The following TGM7 variants were observed in gnomAD, a reference collection of about 807,000 sequenced individuals.
TGM7 encodes transglutaminase 7.
In TGM7, 74 loss-of-function variants were observed where a neutral mutation model predicts 79.5. That is an observed-to-expected ratio of 0.93 (90% CI 0.77 to 1.13). The LOEUF is 1.13. Ranked by LOEUF, TGM7 falls within the 50% of genes most tolerant of loss-of-function variation. The pLI, the probability that TGM7 is intolerant of heterozygous loss-of-function variation, is 0.00. For missense variants in TGM7, 912 were observed against 905.9 expected (o/e 1.01, Z -0.09); for synonymous variants, 354 against 362.5 (o/e 0.98, Z 0.27).
chr15:43,295,420 GCA>G, intron 1 of TGM7, among the ~76,000 whole-genome samples: 3 of 152,130 alleles, frequency 2.0e-5, no homozygotes, highest in Admixed American at 6.5e-5. Context: ...GTGAAACCCT[GCA>G]TCTACTAAAA....
intron 4 of TGM7, 43 bp downstream of exon 4, chr15:43,291,936 C>T: frequency 6.8e-7 from 1 of 1,475,316 alleles, no homozygotes; most frequent in Non-Finnish European, 9.5e-7. Flanking sequence ...AAGGACCAGC[C>T]TTAGGGAGCC....
chr15:43,281,010 T>C (rs1596459790), intron 9 of TGM7, among the ~76,000 whole-genome samples: 1 of 152,194 alleles, frequency 6.6e-6, no homozygotes, highest in Non-Finnish European at 1.5e-5. Flanking sequence ...AGATTGTTAC[T>C]GACAGGCTTC....
chr15:43,280,684 T>C (rs1161380163), intron 9 of TGM7, among the ~76,000 whole-genome samples: 3 of 152,180 alleles, frequency 2.0e-5, no homozygotes, highest in Non-Finnish European at 4.4e-5. Flanking sequence ...GGAGGCTTAA[T>C]GTGGCTGGCT....
chr15:43,294,444 G>A (rs2042982574), intron 1 of TGM7, among the ~76,000 whole-genome samples: 1 of 152,224 alleles, frequency 6.6e-6, no homozygotes, highest in Non-Finnish European at 1.5e-5. Context: ...AGACATCAGT[G>A]TCCTCATCTG....
At chr15:43,299,612 C>A (rs532653483) in intron 1 of TGM7, among the ~76,000 whole-genome samples, 3 of 152,254 alleles carry the variant, frequency 2.0e-5, no homozygotes, top group African/African-American at 7.2e-5. Flanking sequence ...CAAATTCTAT[C>A]CAGTGCAGCT....
intron 6 of TGM7, among the ~76,000 whole-genome samples, chr15:43,286,787 T>G (rs2042937670): frequency 6.6e-6 from 1 of 152,336 alleles, no homozygotes; most frequent in South Asian, 2.1e-4. Context: ...TAATTGATAC[T>G]GCATAAAACA....
chr15:43,293,385 G>T, intron 2 of TGM7, 64 bp downstream of exon 2: 1 of 1,514,214 alleles, frequency 6.6e-7, no homozygotes, highest in Non-Finnish European at 8.9e-7. Context: ...GGCCCCGCAG[G>T]CAGACTCTGT....
intron 4 of TGM7, among the ~76,000 whole-genome samples, chr15:43,290,417 G>C (rs1270595753): frequency 6.6e-6 from 1 of 152,132 alleles, no homozygotes; most frequent in African/African-American, 2.4e-5. Flanking sequence ...CTGTTCCATT[G>C]ATCTATATCT....
At position 43,276,629 on chromosome 15, in the gene TGM7, C is replaced by T; in HGVS notation, c.1974-15G>A. Reference sequence around the variant, plus strand: ...GAGTCCCAAGGCTGAAAGTCAGAAACAGCCTGTGAGAGCCTCGAGGACTTC... The same window carrying T: ...GAGTCCCAAGGCTGAAAGTCAGAAATAGCCTGTGAGAGCCTCGAGGACTTC... On this transcript the variant is annotated splice_polypyrimidine_tract_variant and intron_variant, in intron 12 of 12. Coordinates refer to ENST00000452443, the MANE Select transcript of TGM7 (RefSeq NM_052955.3). 1 of 1,609,844 alleles carries T rather than the reference C, an allele frequency of 6.2e-7. No homozygotes were observed. Among genetic ancestry groups the T allele is most frequent in the East Asian group, 2.2e-5 (1 of 44,846 alleles).
intron 6 of TGM7, among the ~76,000 whole-genome samples, chr15:43,286,896 A>G (rs1452118102): frequency 2.0e-5 from 3 of 152,172 alleles, no homozygotes; most frequent in South Asian, 2.1e-4. Flanking sequence ...AGCTCTGCCT[A>G]TGGGTGAGGT....
At chr15:43,293,684 G>A in intron 1 of TGM7, 53 bp from the exon 2 acceptor site, 2 of 1,422,310 alleles carry the variant, frequency 1.4e-6, no homozygotes, top group Non-Finnish European at 1.9e-6. Flanking sequence ...CTGGGCTCAG[G>A]CATCCCTTGT....
intron 3 of TGM7, 88 bp downstream of exon 3, chr15:43,292,621 C>T (rs759416647): frequency 6.1e-5 from 93 of 1,524,846 alleles, no homozygotes; most frequent in Admixed American, 1.3e-4. Flanking sequence ...AGCTATGTGG[C>T]GATTTATTTT....
At chr15:43,277,093 A>C in intron 11 of TGM7, 98 bp from the exon 12 acceptor site, 1 of 1,502,242 alleles carries the variant, frequency 6.7e-7, no homozygotes, top group Admixed American at 2.0e-5. Context: ...GACCACCAGG[A>C]ACTGCGGCTT....
intron 1 of TGM7, 88 bp downstream of exon 1, chr15:43,302,153 C>A: frequency 4.0e-6 from 6 of 1,507,062 alleles, no homozygotes; most frequent in Non-Finnish European, 4.6e-6. Flanking sequence ...GCTCTCCTGT[C>A]GCTTCCCTAC....
intron 1 of TGM7, among the ~76,000 whole-genome samples, chr15:43,296,209 A>C (rs1232187222): frequency 6.6e-6 from 1 of 152,184 alleles, no homozygotes; most frequent in East Asian, 1.9e-4. Context: ...GCAGATCACG[A>C]GGTCAGGAGA....
chr15:43,290,626 A>T (rs2042959068), intron 4 of TGM7, among the ~76,000 whole-genome samples: 1 of 152,122 alleles, frequency 6.6e-6, no homozygotes, highest in East Asian at 1.9e-4. Context: ...CTTGATGGGG[A>T]TGGCATTGAA....
At chr15:43,292,684 A>G in intron 3 of TGM7, 25 bp downstream of exon 3, 2 of 1,612,514 alleles carry the variant, frequency 1.2e-6, no homozygotes, top group Non-Finnish European at 1.7e-6. Flanking sequence ...TCAGGTTAGC[A>G]ATACAAGCTG....
intron 2 of TGM7, 62 bp downstream of exon 2, chr15:43,293,387 A>G: frequency 1.3e-6 from 2 of 1,517,300 alleles, no homozygotes; most frequent in Non-Finnish European, 1.8e-6. Flanking sequence ...CCCCGCAGGC[A>G]GACTCTGTAA....
intron 4 of TGM7, among the ~76,000 whole-genome samples, chr15:43,290,646 T>C (rs1179377693): frequency 1.3e-5 from 2 of 152,244 alleles, no homozygotes; most frequent in African/African-American, 4.8e-5. Flanking sequence ...ATCTATAAAT[T>C]ACCTTGGGCA....
Sources: allele counts gnomAD v4.1 joint callset (sites outside exome capture counted in the v4.1 genomes callset), GRCh38; gene constraint gnomAD v4.1.1; transcripts MANE v1.5; gene names NCBI Gene and HGNC (gene_info 2026-07-23, HGNC 2026-07-21).